CENPH: variants seen among roughly 807,000 people sequenced by gnomAD.
The protein encoded by CENPH is CENP-H.
CENPH carries 40 observed loss-of-function variants against 42.9 expected under a neutral mutation model. That is an observed-to-expected ratio of 0.93 (90% confidence interval 0.72 to 1.21). The LOEUF (loss-of-function observed/expected upper bound fraction) is 1.21. CENPH is among the 50% of genes most tolerant of loss of function. The pLI is 0.00. For missense variants in CENPH, 302 were observed against 292.9 expected (o/e 1.03, Z -0.23); for synonymous variants, 88 against 96.5 (o/e 0.91, Z 0.52).
intron 3 of CENPH, 135 bp downstream of exon 3, chr5:69,194,830 A>C: frequency 2.0e-6 from 1 of 503,422 alleles, no homozygotes; most frequent in Admixed American, 4.2e-5. Flanking sequence ...CATTGAAGCC[A>C]CAACCTCCTG....
chr5:69,206,854 T>G (rs1237909237), intron 7 of CENPH, among the ~76,000 whole-genome samples: 1 of 146,410 alleles, frequency 6.8e-6, no homozygotes, highest in Non-Finnish European at 1.5e-5. Context: ...CTCAGGGTCA[T>G]TAGTAGTATT....
chr5:69,196,446 A>AT (rs1188452009), intron 4 of CENPH, among the ~76,000 whole-genome samples: 1 of 152,142 alleles, frequency 6.6e-6, no homozygotes, highest in Non-Finnish European at 1.5e-5. Context: ...GGAGTTCAAG[A>AT]CCAGCCTGAC....
intron 3 of CENPH, 83 bp from the exon 4 acceptor site, chr5:69,195,634 T>C: frequency 2.5e-6 from 2 of 792,154 alleles, no homozygotes; most frequent in South Asian, 1.6e-5. Context: ...TTTTACTTTT[T>C]TAAGGGCTTA....
chr5:69,191,619 A>AT (rs1747873568), intron 1 of CENPH, among the ~76,000 whole-genome samples, 176 bp from the exon 2 acceptor site: 1 of 152,192 alleles, frequency 6.6e-6, no homozygotes, highest in South Asian at 2.1e-4. Flanking sequence ...AAAGTTCTTT[A>AT]TACCCATTTT....
In CENPH at chr5:69,189,768, G is replaced by GGTT. The variant is rs749265509; in HGVS notation, c.134+4_134+6dup. 50 of 1,485,970 alleles carry GGTT rather than the reference G, an allele frequency of 3.4e-5. No homozygotes were observed. Among genetic ancestry groups the GGTT allele is most frequent in the Non-Finnish European group, 4.4e-5 (49 of 1,121,382 alleles). The allele number at this position is 1,485,970 out of a possible 1,614,324, so 92.0% of individuals were successfully genotyped here. A position where few individuals can be genotyped will look rare whatever the true frequency, so the allele number is the denominator to read the frequency against. ...GAGGACCGCATGACCCTGCTCCTCA[G>GGTT]GTTGTTCCCTTTGGCCTCCTCAGCC... On this transcript the variant is annotated inframe_insertion and splice_region_variant. Coordinates refer to ENST00000283006, the MANE Select transcript of CENPH (RefSeq NM_022909.4).
intron 5 of CENPH, among the ~76,000 whole-genome samples, chr5:69,197,913 CTTTTTTTTTTTT>C (rs1172938522): frequency 1.3e-5 from 1 of 74,130 alleles, no homozygotes; most frequent in Admixed American, 1.9e-4. Flanking sequence ...TACCTATGAT[CTTTTTTTTTTTT>C]TTTTTTTTTT....
Position 69,189,611 on chromosome 5 carries a change from G to A in CENPH, c.-24G>A. ...TTCTGAGCGCGTTTGCCTGTTGAGT[G>A]GTAGCCTTTCCCCTCAACCAGCAAT... is the stretch of plus-strand genomic sequence containing the variant. On this transcript the variant is annotated 5_prime_UTR_variant, in exon 1 of 9. Transcript: ENST00000283006. The A allele has an allele frequency of 6.3e-7, 1 of 1,580,572 alleles. No homozygotes were observed. The highest frequency in any genetic ancestry group is 8.6e-7 in the Non-Finnish European group (1 of 1,167,342).
intron 2 of CENPH, 24 bp from the exon 3 acceptor site, chr5:69,194,623 C>G: frequency 4.1e-6 from 6 of 1,480,528 alleles, no homozygotes; most frequent in Non-Finnish European, 5.6e-6. Context: ...ATGTTAGTAA[C>G]TTCAAAAAAT....
At chr5:69,191,644 C>A in intron 1 of CENPH, 151 bp from the exon 2 acceptor site, 1 of 543,114 alleles carries the variant, frequency 1.8e-6, no homozygotes, top group Non-Finnish European at 3.3e-6. Context: ...AAAATGAGGC[C>A]AAATTAGAAG....
rs774650504 is a variant in CENPH at position 69,208,289 on chromosome 5, G to A, written c.581G>A (p.Arg194Lys). ...TTGGACAGTATGGAAAACTCAGAGA[G>A]GATAAAGATCATACGACAAAACCTA... ...IDLDSMENSE[R>K]IKIIRQNLQM... is the part of the protein sequence containing the mutation. The change falls in exon 8 of 9, where the codon AGG (arginine) becomes AAG (lysine). Residue 194 changes from arginine to lysine, a missense_variant. By Grantham distance (26) the Arg-to-Lys change is conservative. Transcript: ENST00000283006. 2.5e-5 allele frequency: 40 copies of A among 1,598,100 alleles called. No homozygotes were observed. In the African/African-American group the frequency reaches 5.1e-4, roughly 20 times the overall value.
intron 4 of CENPH, among the ~76,000 whole-genome samples, chr5:69,196,682 T>A (rs1471694500): frequency 1.3e-5 from 2 of 152,144 alleles, no homozygotes; most frequent in Non-Finnish European, 1.5e-5. Context: ...TTTATAGTCA[T>A]ATATGGTTTT....
intron 2 of CENPH, among the ~76,000 whole-genome samples, chr5:69,192,257 C>A (rs1192189951): frequency 6.6e-6 from 1 of 152,134 alleles, no homozygotes; most frequent in Non-Finnish European, 1.5e-5. Context: ...GAAACAAAGG[C>A]ATGATAAGAG....
intron 5 of CENPH, among the ~76,000 whole-genome samples, chr5:69,200,112 C>CAAA (rs373894870): frequency 9.7e-5 from 5 of 51,320 alleles, no homozygotes; most frequent in Admixed American, 4.0e-4. Context: ...GACTCTGTCT[C>CAAA]AAAAAAAAAA....
intron 7 of CENPH, among the ~76,000 whole-genome samples, chr5:69,203,486 C>G (rs1285897212): frequency 7.2e-4 from 110 of 152,294 alleles, no homozygotes; most frequent in Non-Finnish European, 8.8e-5. Context: ...TGTGCCTCAG[C>G]CTCCAGAGTA....
intron 7 of CENPH, among the ~76,000 whole-genome samples, chr5:69,203,877 A>G (rs541534517): frequency 1.3e-5 from 2 of 150,838 alleles, no homozygotes; most frequent in African/African-American, 4.9e-5. Flanking sequence ...GTAGTAAATT[A>G]TAATGCAAAA....
At position 69,195,736 on chromosome 5, in the gene CENPH, A is replaced by T. The variant is rs1405133815; in HGVS notation, c.259A>T (p.Asn87Tyr). The change falls in exon 4 of 9, where the codon AAT (asparagine) becomes TAT (tyrosine). Residue 87 changes from asparagine (N) to tyrosine (Y), a missense_variant. Transcript: ENST00000283006. ...TGATAGTAAAATTGAAGACCTGGAA[A>T]ATGAAATTGAAGAGGTAAAAGTTGC... Reference protein sequence around the residue: ...QIEAKIEDLENEIEEVKVAFE... With the variant: ...QIEAKIEDLEYEIEEVKVAFE... 1.9e-5 allele frequency: 29 copies of T among 1,561,986 alleles called. No individual in the cohort carries two copies. Among genetic ancestry groups the T allele is most frequent in the African/African-American group, 2.8e-5 (2 of 72,656 alleles).
chr5:69,206,064 C>T (rs350095), intron 7 of CENPH, among the ~76,000 whole-genome samples: 67,912 of 151,694 alleles, frequency 0.45, 15,336 homozygotes, highest in South Asian at 0.56. Flanking sequence ...ATTCATTCAC[C>T]ATGTTACACA....
Position 69,209,971 on chromosome 5 carries a change from C to A in CENPH, c.*172C>A. 1 of 414,400 alleles carries A rather than the reference C, an allele frequency of 2.4e-6. No individual in the cohort carries two copies. The highest frequency in any genetic ancestry group is 4.2e-6 in the Non-Finnish European group (1 of 236,168). 25.7% of individuals were successfully genotyped at this position (414,400 alleles called of 1,614,324 possible). On this transcript the variant is annotated 3_prime_UTR_variant, in exon 9 of 9. Coordinates refer to ENST00000283006, the MANE Select transcript of CENPH (RefSeq NM_022909.4). The stretch of plus-strand genomic sequence containing the variant: ...TAGTGGGATTGAAAGTAATTTTTTT[C>A]TTTTTATATTTCTATATTTAGTTTG...
rs1748218760 is a variant in CENPH at position 69,209,868 on chromosome 5, A to C, written c.*69A>C. 1.1e-6 allele frequency: 1 copy of C among 869,570 alleles called. No individual in the cohort carries two copies. Among genetic ancestry groups the C allele is most frequent in the Non-Finnish European group, 1.9e-6 (1 of 524,880 alleles). 53.9% of individuals were successfully genotyped at this position (869,570 alleles called of 1,614,324 possible). ...ACTCTTATTTGGAATACTTCTGTGC[A>C]TTTGTCTGTCCACCGTAATTTTAGA... On this transcript the variant is annotated 3_prime_UTR_variant, in exon 9 of 9. Transcript: ENST00000283006.
Sources: allele counts gnomAD v4.1 joint callset (sites outside exome capture counted in the v4.1 genomes callset), GRCh38; gene constraint gnomAD v4.1.1; transcripts MANE v1.5; gene names NCBI Gene and HGNC (gene_info 2026-07-23, HGNC 2026-07-21).